MYCBP2: variants seen among roughly 807,000 people sequenced by gnomAD.
The protein encoded by MYCBP2 is E3 ubiquitin-protein ligase MYCBP2.
A neutral mutation model predicts 525.3 loss-of-function variants in MYCBP2; 120 were observed. The ratio of observed to expected loss-of-function variants is 0.23; its 90% CI spans 0.20 to 0.27. The LOEUF (loss-of-function observed/expected upper bound fraction) is 0.27, where lower values mean the gene tolerates loss of function less well. Among genes scored for constraint, MYCBP2 ranks in the 10% least tolerant of loss-of-function variants. The probability of loss-of-function intolerance (pLI) is 1.00; values close to 1 mark genes in which losing one functional copy is unlikely to be tolerated. For missense variants in MYCBP2, 4,149 were observed against 5,657.1 expected (o/e 0.73, Z 8.55); for synonymous variants, 1,894 against 1,955.8 (o/e 0.97, Z 0.83).
At position 77,050,648 on chromosome 13, in the gene MYCBP2, C is replaced by T. The variant is rs368829213; in HGVS notation, c.13921+349G>A. On this transcript the variant is annotated intron_variant, in intron 82 of 82. Transcript: ENST00000544440. The stretch of plus-strand genomic sequence containing the variant: ...ATTTTATGGCAACGGTTCCAGGCTT[C>T]GTTAAAAAAAAAAAAAAATCACAGA... Among the ~76,000 whole-genome samples the T allele has an allele frequency of 1.9e-3, 279 of 147,740 alleles. 4 individuals are homozygous for T. The highest frequency in any genetic ancestry group is 6.2e-3 in the African/African-American group (248 of 40,150).
intron 60 of MYCBP2, among the ~76,000 whole-genome samples, chr13:77,089,369 TA>T (rs2044945085): frequency 6.6e-6 from 1 of 152,186 alleles, no homozygotes; most frequent in Non-Finnish European, 1.5e-5. Flanking sequence ...GATGGCTTTA[TA>T]AGAAACATTT....
At chr13:77,222,981 G>T (rs1351635223) in intron 20 of MYCBP2, among the ~76,000 whole-genome samples, 1 of 152,188 alleles carries the variant, frequency 6.6e-6, no homozygotes, top group East Asian at 1.9e-4. Flanking sequence ...CAAAAGGTAA[G>T]TTTTTGCAGC....
At chr13:77,249,495 T>G (rs2070734854) in intron 15 of MYCBP2, among the ~76,000 whole-genome samples, 1 of 152,168 alleles carries the variant, frequency 6.6e-6, no homozygotes, top group Admixed American at 6.5e-5. Context: ...CCAGATAATT[T>G]ATAGATTTTG....
intron 72 of MYCBP2, among the ~76,000 whole-genome samples, chr13:77,065,210 G>A (rs1566350903): frequency 6.6e-6 from 1 of 152,064 alleles, no homozygotes; most frequent in Non-Finnish European, 1.5e-5. Flanking sequence ...TATAATTTAG[G>A]TGTTCCTAAA....
At chr13:77,169,565 A>G (rs1420200960) in intron 39 of MYCBP2, 49 bp downstream of exon 39, 1 of 1,521,130 alleles carries the variant, frequency 6.6e-7, no homozygotes, top group Non-Finnish European at 9.1e-7. Context: ...CTTTTTTTAA[A>G]AAAGATATTT....
rs764393767 is a variant in MYCBP2, at chr13:77,064,669, C to G, written c.12618G>C (p.Leu4206Phe). Residue 4206 changes from leucine to phenylalanine, a missense_variant, in exon 73 of 83, where the codon TTG (leucine) becomes TTC (phenylalanine). This residue lies in a region of MYCBP2 where 148 missense variants were observed against 179.4 expected (regional missense o/e 0.82). Coordinates refer to ENST00000544440, the MANE Select transcript of MYCBP2 (RefSeq NM_015057.5). ...ACCTAAATTCTTCTTCCATCTTGGTCAAGGCAATGATGGTTTCTGCAATAG... is the reference window on the plus strand; with the variant it reads ...ACCTAAATTCTTCTTCCATCTTGGTGAAGGCAATGATGGTTTCTGCAATAG... ...KNAIAETIIA[L>F]TKMEEEFRSP... The G allele has an allele frequency of 3.0e-5, 48 of 1,613,644 alleles. No individual in the cohort carries two copies. In the Admixed American group the frequency reaches 7.8e-4, roughly 26 times the overall value.
rs2060614099 is a variant in MYCBP2 at position 77,185,233 on chromosome 13, T to C, written c.4589A>G (p.Gln1530Arg). 1 of 1,614,026 alleles carries C rather than the reference T, an allele frequency of 6.2e-7. No homozygotes were observed. Among genetic ancestry groups the C allele is most frequent in the African/African-American group, 1.3e-5 (1 of 74,930 alleles). Residue 1530 changes from glutamine to arginine, a missense_variant, in exon 32 of 83, where the codon CAA becomes CGA. Gln to Arg is a conservative substitution (Grantham distance 43). Transcript: ENST00000544440. ...GACAGCTTCTAGAAGACTCAAGGGT[T>C]GACTGAGATATCCTTGAGGATCATT... ...LDNDPQGYLSQPLSLLEAVLQ... is the reference protein window; with the variant it reads ...LDNDPQGYLSRPLSLLEAVLQ...
chr13:77,252,426 T>A (rs538573758), intron 14 of MYCBP2, among the ~76,000 whole-genome samples: 18 of 152,282 alleles, frequency 1.2e-4, no homozygotes, highest in African/African-American at 4.3e-4. Context: ...AGACAGACAT[T>A]AATCAAATAA....
intron 62 of MYCBP2, among the ~76,000 whole-genome samples, chr13:77,084,895 C>T (rs941839423): frequency 6.6e-6 from 1 of 151,952 alleles, no homozygotes; most frequent in Non-Finnish European, 1.5e-5. Flanking sequence ...AAGTTACAGT[C>T]CTAAACTTTG....
At chr13:77,271,984 G>C (rs2074961883) in intron 5 of MYCBP2, among the ~76,000 whole-genome samples, 1 of 152,180 alleles carries the variant, frequency 6.6e-6, no homozygotes, top group Non-Finnish European at 1.5e-5. Context: ...GTTTAGGCTA[G>C]AGTTGGGGAT....
rs1323499096 is a variant in MYCBP2, at chr13:77,186,052, C to T, written c.4263G>A (p.Glu1421=). Reference sequence around the variant, plus strand: ...TCCAGTGAAGAATACTCAACAATGACTCAAAACATTCCTAATCCAGAATAT... The same window carrying T: ...TCCAGTGAAGAATACTCAACAATGATTCAAAACATTCCTAATCCAGAATAT... ...FARTVSVECF[E]SLLSILHWSW... is the part of the protein sequence containing the mutation. The change falls in exon 31 of 83, where the codon GAG becomes GAA. Residue 1421 remains glutamate, a synonymous_variant. Coordinates refer to ENST00000544440, the MANE Select transcript of MYCBP2 (RefSeq NM_015057.5). The T allele has an allele frequency of 1.3e-6, 2 of 1,579,222 alleles. No individual in the cohort carries two copies. The highest frequency in any genetic ancestry group is 1.2e-5 in the South Asian group (1 of 84,684).
intron 54 of MYCBP2, among the ~76,000 whole-genome samples, chr13:77,121,827 C>T (rs2050746998): frequency 6.6e-6 from 1 of 151,792 alleles, no homozygotes. Context: ...CAAATTTATA[C>T]AAGAGTATTT....
chr13:77,317,958 T>TAACAC (rs1414542961), intron 1 of MYCBP2, among the ~76,000 whole-genome samples: 2 of 143,754 alleles, frequency 1.4e-5, no homozygotes, highest in Non-Finnish European at 3.0e-5. Context: ...TAACATAACA[T>TAACAC]AACATAACAT....
At chr13:77,140,613 T>C (rs2054464596) in intron 50 of MYCBP2, among the ~76,000 whole-genome samples, 1 of 152,220 alleles carries the variant, frequency 6.6e-6, no homozygotes, top group South Asian at 2.1e-4. Flanking sequence ...AGTAGACTTT[T>C]GTTCATTGTA....
At chr13:77,155,916 G>T in intron 46 of MYCBP2, 142 bp downstream of exon 46, 1 of 762,472 alleles carries the variant, frequency 1.3e-6, no homozygotes, top group Non-Finnish European at 2.0e-6. Context: ...ATATAAACAA[G>T]TCATTTAAAC....
At chr13:77,217,697 G>C in intron 21 of MYCBP2, 143 bp downstream of exon 21, 1 of 464,120 alleles carries the variant, frequency 2.2e-6, no homozygotes, top group Non-Finnish European at 3.8e-6. Flanking sequence ...TGTGTGTTGG[G>C]GATGAAGGCA....
At chr13:77,150,971 C>A (rs9574006) in intron 46 of MYCBP2, 22 bp from the exon 47 acceptor site, 1,079,485 of 1,585,228 alleles carry the variant, frequency 0.68, 379,594 homozygotes, top group Non-Finnish European at 0.73. Context: ...ATTATAGAAA[C>A]CAAATACCAT....
At chr13:77,311,494 A>G (rs1000656942) in intron 1 of MYCBP2, among the ~76,000 whole-genome samples, 3 of 152,044 alleles carry the variant, frequency 2.0e-5, no homozygotes, top group African/African-American at 7.2e-5. Flanking sequence ...AATATGCTAC[A>G]TTGAGGAAAG....
rs368647771 is a variant in MYCBP2, at chr13:77,288,179, G to C, written c.576C>G (p.Pro192=). The change falls in exon 3 of 83, where the codon CCC becomes CCG. Residue 192 remains proline (P), a synonymous_variant. Transcript: ENST00000544440. ...DSDEEEESKE[P]PIKLPKIIEV... ...GGCTTACCTTTGGAAGCTTGATAGG[G>C]GGCTCTTTGGATTCCTCTTCTTCAT... 4.5e-5 allele frequency: 72 copies of C among 1,613,966 alleles called. No individual in the cohort carries two copies. Among genetic ancestry groups the C allele is most frequent in the Non-Finnish European group, 6.1e-5 (72 of 1,180,018 alleles).
Sources: allele counts gnomAD v4.1 joint callset (sites outside exome capture counted in the v4.1 genomes callset), GRCh38; gene constraint gnomAD v4.1.1; regional missense constraint gnomAD v4.1.1; transcripts MANE v1.5; gene names NCBI Gene and HGNC (gene_info 2026-07-23, HGNC 2026-07-21).